The following DNAI1 variants were observed in gnomAD, a reference collection of about 807,000 sequenced individuals.
The protein encoded by DNAI1 is dynein axonemal intermediate chain 1, also known as dynein, axonemal, intermediate polypeptide 1.
A neutral mutation model predicts 92.0 loss-of-function variants in DNAI1; 67 were observed. The observed-to-expected ratio is 0.73, with a 90% CI of 0.60 to 0.89. The LOEUF is 0.89. Ranked by LOEUF, DNAI1 falls within the 40% of genes least tolerant of loss-of-function variation. DNAI1 has a pLI of 0.00. For synonymous variants in DNAI1, 323 were observed against 319.6 expected, an observed-to-expected ratio of 1.01 and a Z score of -0.11; for missense variants, 839 against 866.6, an observed-to-expected ratio of 0.97 and a Z score of 0.40.
chr9:34,519,488 G>A (rs542012293), intron 19 of DNAI1, among the ~76,000 whole-genome samples: 1 of 152,278 alleles, frequency 6.6e-6, no homozygotes, highest in African/African-American at 2.4e-5. Flanking sequence ...ATTTAGGAAG[G>A]AGAGAGGGAA....
At chr9:34,495,899 A>G (rs748207358) in intron 9 of DNAI1, among the ~76,000 whole-genome samples, 1 of 151,928 alleles carries the variant, frequency 6.6e-6, no homozygotes, top group Non-Finnish European at 1.5e-5. Flanking sequence ...TGACTGCAAG[A>G]CTCCAGTGAA....
intron 10 of DNAI1, among the ~76,000 whole-genome samples, chr9:34,499,655 T>G (rs570804203): frequency 4.6e-5 from 7 of 152,072 alleles, no homozygotes; most frequent in African/African-American, 1.7e-4. Flanking sequence ...GCCTTACAGA[T>G]GAGAAAGAGT....
At chr9:34,498,113 G>GTGGGGTGGA (rs897535188) in intron 10 of DNAI1, among the ~76,000 whole-genome samples, 2 of 152,214 alleles carry the variant, frequency 1.3e-5, no homozygotes, top group African/African-American at 4.8e-5. Flanking sequence ...AGGCTCAAAT[G>GTGGGGTGGA]TGGGGTGGAA....
At chr9:34,491,373 C>G in intron 7 of DNAI1, 122 bp from the exon 8 acceptor site, 2 of 975,068 alleles carry the variant, frequency 2.1e-6, no homozygotes, top group Non-Finnish European at 3.3e-6. Context: ...TTTACTTCCC[C>G]AGCTCTGTGT....
At chr9:34,468,825 C>CA (rs200911728) in intron 1 of DNAI1, among the ~76,000 whole-genome samples, 25,837 of 131,280 alleles carry the variant, frequency 0.2, 2,465 homozygotes, top group East Asian at 0.35. Context: ...GACCCTGTCT[C>CA]AAAAAAAAAA....
chr9:34,513,067 C>G (rs1825100637), intron 15 of DNAI1, 45 bp from the exon 16 acceptor site: 5 of 1,530,972 alleles, frequency 3.3e-6, no homozygotes, highest in Non-Finnish European at 4.5e-6. Context: ...CTGGGAGCCT[C>G]CCTCTTGGAA....
chr9:34,519,181 G>A (rs1043786101), intron 19 of DNAI1, among the ~76,000 whole-genome samples: 1 of 152,108 alleles, frequency 6.6e-6, no homozygotes, highest in Non-Finnish European at 1.5e-5. Flanking sequence ...AAATCCTCTG[G>A]GCATCCCTAC....
intron 7 of DNAI1, chr9:34,491,259 G>C (rs1188656652): frequency 1.7e-6 from 1 of 595,916 alleles, no homozygotes; most frequent in African/African-American, 1.9e-5. Flanking sequence ...GCACAGTCAG[G>C]CTTCCCTGCC....
At chr9:34,493,683 C>T (rs745676032) in intron 9 of DNAI1, among the ~76,000 whole-genome samples, 3 of 152,242 alleles carry the variant, frequency 2.0e-5, no homozygotes, top group East Asian at 1.9e-4. Flanking sequence ...CCACTTCCCT[C>T]GGCAACGGCT....
chr9:34,471,225 G>A (rs1824127805), intron 1 of DNAI1, among the ~76,000 whole-genome samples: 1 of 151,386 alleles, frequency 6.6e-6, no homozygotes, highest in African/African-American at 2.4e-5. Context: ...CCAAGAGTTC[G>A]AGACCAGACT....
At chr9:34,506,319 C>G (rs977004571) in intron 12 of DNAI1, among the ~76,000 whole-genome samples, 3 of 152,222 alleles carry the variant, frequency 2.0e-5, no homozygotes, top group Non-Finnish European at 2.9e-5. Flanking sequence ...CCCAAGCTCA[C>G]ACACCTTCTT....
At chr9:34,500,937 C>A in intron 11 of DNAI1, 98 bp downstream of exon 11, 2 of 1,073,164 alleles carry the variant, frequency 1.9e-6, no homozygotes, top group Non-Finnish European at 2.9e-6. Context: ...TTGAGTATGA[C>A]ATGTGACAGT....
At chr9:34,481,870 C>G (rs1437898987) in intron 1 of DNAI1, among the ~76,000 whole-genome samples, 1 of 152,126 alleles carries the variant, frequency 6.6e-6, no homozygotes, top group African/African-American at 2.4e-5. Context: ...TTGCAAAGAG[C>G]AAAAGAACAA....
At chr9:34,492,493 G>GATATGTATATATAT (rs1824623495) in intron 8 of DNAI1, among the ~76,000 whole-genome samples, 1 of 68,268 alleles carries the variant, frequency 1.5e-5, no homozygotes, top group Non-Finnish European at 3.1e-5. Flanking sequence ...GGGATATGAA[G>GATATGTATATATAT]ATATATATAT....
At chr9:34,500,933 A>G (rs1038724614) in intron 11 of DNAI1, 94 bp downstream of exon 11, 92 of 1,092,030 alleles carry the variant, frequency 8.4e-5, no homozygotes, top group Non-Finnish European at 1.1e-4. Context: ...CACCTTGAGT[A>G]TGACATGTGA....
At chr9:34,476,666 G>A (rs1384726037) in intron 1 of DNAI1, among the ~76,000 whole-genome samples, 5 of 152,218 alleles carry the variant, frequency 3.3e-5, no homozygotes, top group Non-Finnish European at 7.3e-5. Context: ...AGACATCATG[G>A]TTGGTAGTAT....
At chr9:34,514,322 C>T in intron 16 of DNAI1, 72 bp from the exon 17 acceptor site, 1 of 1,585,302 alleles carries the variant, frequency 6.3e-7, no homozygotes, top group African/African-American at 1.3e-5. Context: ...GGCTCTGATC[C>T]TCCAGACCCC....
chr9:34,492,491 A>AAGAGAT (rs1554688172), intron 8 of DNAI1, among the ~76,000 whole-genome samples: 1 of 27,750 alleles, frequency 3.6e-5, no homozygotes, highest in Non-Finnish European at 8.0e-5. Flanking sequence ...TGGGGATATG[A>AAGAGAT]AGATATATAT....
rs1237015232 is a variant in DNAI1, at chr9:34,512,169, G to A, written c.1372G>A (p.Gly458Ser). The A allele has an allele frequency of 6.8e-6, 11 of 1,614,018 alleles. No homozygotes were observed. The highest frequency in any genetic ancestry group is 1.3e-5 in the African/African-American group (1 of 74,890). ...NLNFFSVSSD[G>S]RIVSWTLVKR... Reference sequence around the variant, plus strand: ...TAACTTCTTCTCTGTGTCATCTGACGGCAGGATTGTGTCTTGGACTCTCGT... The same window carrying A: ...TAACTTCTTCTCTGTGTCATCTGACAGCAGGATTGTGTCTTGGACTCTCGT... The change falls in exon 14 of 20, where the codon GGC becomes AGC. Residue 458 changes from glycine to serine, a missense_variant. Transcript: ENST00000242317.
Sources: gnomAD v4.1 joint callset for allele counts (sites outside exome capture counted in the v4.1 genomes callset) on GRCh38, gnomAD v4.1.1 for gene constraint, MANE v1.5 for transcripts, NCBI Gene and HGNC (gene_info 2026-07-23, HGNC 2026-07-21) for gene names.